The following RIMKLB variants were observed in gnomAD, a reference collection of about 807,000 sequenced individuals.
RIMKLB encodes the protein ribosomal modification protein rimK like family member B.
A neutral mutation model predicts 32.0 loss-of-function variants in RIMKLB; 7 were observed. That is an observed-to-expected ratio of 0.22 (90% CI 0.12 to 0.41). The LOEUF is 0.41. Among genes scored for constraint, RIMKLB ranks in the 10% least tolerant of loss-of-function variants. The pLI is 1.00. For synonymous variants in RIMKLB, 172 were observed against 185.1 expected, an observed-to-expected ratio of 0.93 and a Z score of 0.57; for missense variants, 289 against 498.7, an observed-to-expected ratio of 0.58 and a Z score of 4.00.
exon 1 of RIMKLB, chr12:8,681,658 ATGAACAGTGGGTCT>A (rs1942410880): frequency 1.3e-5 from 2 of 152,214 alleles, no homozygotes; most frequent in Non-Finnish European, 2.9e-5. Context: ...ATAAAAACTC[ATGAACAGTGGGTCT>A]TGATGAGCTT....
At chr12:8,697,690 C>T, upstream of RIMKLB, 1 of 303,412 alleles carries the variant, frequency 3.3e-6, no homozygotes, top group East Asian at 1.6e-4. Context: ...CCTTTTCGCT[C>T]CCCGCGCGCG....
At chr12:8,747,685 A>G (rs1948222190) in intron 2 of RIMKLB, among the ~76,000 whole-genome samples, 2 of 152,204 alleles carry the variant, frequency 1.3e-5, no homozygotes, top group Admixed American at 1.3e-4. Flanking sequence ...TATAAAATGT[A>G]ATTCCATTCA....
At chr12:8,755,722 G>A (rs142584831) in intron 5 of RIMKLB, among the ~76,000 whole-genome samples, 1 of 152,202 alleles carries the variant, frequency 6.6e-6, no homozygotes, top group African/African-American at 2.4e-5. Flanking sequence ...AAAATCCTCC[G>A]ATAGGGCCGG....
intron 5 of RIMKLB, among the ~76,000 whole-genome samples, chr12:8,771,177 G>T (rs1361426382): frequency 2.0e-5 from 3 of 152,052 alleles, no homozygotes; most frequent in South Asian, 4.1e-4. Flanking sequence ...GGACCAAAAG[G>T]GTATGATCTA....
At chr12:8,750,294 A>G (rs1431127627) in intron 3 of RIMKLB, among the ~76,000 whole-genome samples, 1 of 152,188 alleles carries the variant, frequency 6.6e-6, no homozygotes. Context: ...TGTAAAGGGC[A>G]AGATTGTAAG....
intron 2 of RIMKLB, among the ~76,000 whole-genome samples, chr12:8,726,198 C>T (rs1945984053): frequency 6.6e-6 from 1 of 152,240 alleles, no homozygotes; most frequent in African/African-American, 2.4e-5. Flanking sequence ...CCTGTTGTTG[C>T]ACATCCTCTT....
At chr12:8,773,197 C>A in intron 5 of RIMKLB, 124 bp from the exon 6 acceptor site, 2 of 671,910 alleles carry the variant, frequency 3.0e-6, no homozygotes, top group East Asian at 2.6e-5. Flanking sequence ...CCTAATTTTA[C>A]ACTAGAATAA....
At chr12:8,695,713 T>G (rs935213907), upstream of RIMKLB, among the ~76,000 whole-genome samples, 2 of 151,446 alleles carry the variant, frequency 1.3e-5, no homozygotes, top group South Asian at 2.1e-4. Flanking sequence ...TTTTTTTTTT[T>G]GAGACAGAGT....
At chr12:8,726,562 G>A (rs1031529093) in intron 2 of RIMKLB, among the ~76,000 whole-genome samples, 1 of 150,986 alleles carries the variant, frequency 6.6e-6, no homozygotes, top group Non-Finnish European at 1.5e-5. Flanking sequence ...TATCTAGCAT[G>A]GTATATCTTT....
intron 2 of RIMKLB, among the ~76,000 whole-genome samples, chr12:8,718,667 ATATGTGTGTGTGTGTGTGTGTG>A (rs1316727296): frequency 3.8e-5 from 5 of 132,670 alleles, no homozygotes; most frequent in East Asian, 2.1e-4. Context: ...ATATATATAT[ATATGTGTGTGTGTGTGTGTGTG>A]TGTGTGTGTG....
intron 2 of RIMKLB, among the ~76,000 whole-genome samples, chr12:8,737,775 C>T (rs992996195): frequency 6.6e-6 from 1 of 152,122 alleles, no homozygotes; most frequent in Non-Finnish European, 1.5e-5. Flanking sequence ...AGTGCAATGG[C>T]GTGATCTTGG....
At chr12:8,759,137 C>T (rs772465646) in intron 5 of RIMKLB, among the ~76,000 whole-genome samples, 97 of 152,288 alleles carry the variant, frequency 6.4e-4, no homozygotes, top group Non-Finnish European at 1.6e-4. Flanking sequence ...GTGGCTCATG[C>T]TGTAATCCCA....
chr12:8,685,438 A>T (rs1394178158), intron 1 of RIMKLB, among the ~76,000 whole-genome samples: 1 of 152,146 alleles, frequency 6.6e-6, no homozygotes, highest in African/African-American at 2.4e-5. Flanking sequence ...TTCAGCATCT[A>T]TTGGTATGAT....
At chr12:8,755,912 C>T (rs1591920026) in intron 5 of RIMKLB, among the ~76,000 whole-genome samples, 2 of 152,074 alleles carry the variant, frequency 1.3e-5, no homozygotes, top group Admixed American at 6.6e-5. Context: ...CCAGCACTTT[C>T]GTAGGCCAAG....
At chr12:8,720,840 T>C (rs1240297439) in intron 2 of RIMKLB, among the ~76,000 whole-genome samples, 3 of 152,126 alleles carry the variant, frequency 2.0e-5, no homozygotes, top group East Asian at 3.8e-4. Context: ...GCGCCTGGCC[T>C]ACCCGTTTTA....
At chr12:8,698,707 TC>T (rs954590046) in intron 1 of RIMKLB, among the ~76,000 whole-genome samples, 27 of 113,454 alleles carry the variant, frequency 2.4e-4, no homozygotes, top group South Asian at 7.3e-4. Context: ...ACACTCCCCC[TC>T]CCCCCCCTTC....
chr12:8,714,409 TC>T (rs1261633834), intron 2 of RIMKLB, among the ~76,000 whole-genome samples: 1 of 152,176 alleles, frequency 6.6e-6, no homozygotes, highest in Non-Finnish European at 1.5e-5. Context: ...ATTCTCAAGT[TC>T]CTTTCATTTT....
rs757968321 is a variant in RIMKLB at position 8,752,714 on chromosome 12, G to GGTT, written c.493+687_493+689dup. Reference sequence around the variant, plus strand: ...ACTTTGAATTAAGGTAGTTTAGGTAGGTTGTTGTTGTTGTTGTTATTGTTT... The same window carrying GGTT: ...ACTTTGAATTAAGGTAGTTTAGGTAGGTTGTTGTTGTTGTTGTTGTTATTGTTT... On this transcript the variant is annotated intron_variant, in intron 4 of 5. Transcript: ENST00000535829. Among the ~76,000 whole-genome samples the GGTT allele has an allele frequency of 4.1e-4, 63 of 151,980 alleles. 1 individual carries two copies. Among genetic ancestry groups the GGTT allele is most frequent in the Non-Finnish European group, 6.8e-4 (46 of 67,964 alleles).
At chr12:8,690,473 A>G (rs1245943183) in intron 1 of RIMKLB, among the ~76,000 whole-genome samples, 2 of 152,194 alleles carry the variant, frequency 1.3e-5, no homozygotes, top group African/African-American at 4.8e-5. Flanking sequence ...AATCCTTTTT[A>G]TAGTCTTCGG....
Sources: gnomAD v4.1 joint callset for allele counts (sites outside exome capture counted in the v4.1 genomes callset) on GRCh38, gnomAD v4.1.1 for gene constraint, MANE v1.5 for transcripts, NCBI Gene and HGNC (gene_info 2026-07-23, HGNC 2026-07-21) for gene names.